The following HNRNPM variants were observed in gnomAD, a reference collection of about 807,000 sequenced individuals.
The protein encoded by HNRNPM is heterogeneous nuclear ribonucleoprotein M.
Under a neutral mutation model 73.1 loss-of-function variants are expected in HNRNPM, and 11 were observed. The ratio of observed to expected loss-of-function variants is 0.15; its 90% CI spans 0.09 to 0.25. The LOEUF is 0.25. Ranked by LOEUF, HNRNPM falls within the 10% of genes least tolerant of loss-of-function variation. The pLI is 1.00. For missense variants in HNRNPM, 789 were observed against 1,067.9 expected, an observed-to-expected ratio of 0.74 and a Z score of 3.64; for synonymous variants, 407 against 355.2, an observed-to-expected ratio of 1.15 and a Z score of -1.64.
intron 1 of HNRNPM, among the ~76,000 whole-genome samples, chr19:8,447,200 A>G (rs1158391501): frequency 2.0e-5 from 3 of 151,876 alleles, no homozygotes; most frequent in African/African-American, 4.8e-5. Context: ...TACTAGCTTC[A>G]TAGAGGATAG....
At chr19:8,446,208 T>TTGAGTATACTGACTCAG in intron 1 of HNRNPM, among the ~76,000 whole-genome samples, 1 of 152,340 alleles carries the variant, frequency 6.6e-6, no homozygotes, top group Admixed American at 6.5e-5. Context: ...TTCAGTGGCA[T>TTGAGTATACTGACTCAG]TGAGTATACT....
intron 2 of HNRNPM, among the ~76,000 whole-genome samples, chr19:8,456,465 C>T (rs1403115074): frequency 1.3e-5 from 2 of 152,208 alleles, no homozygotes; most frequent in East Asian, 1.9e-4. Flanking sequence ...TGCCTTGAGG[C>T]GCCCTCCCCG....
At position 8,463,452 on chromosome 19, in the gene HNRNPM, T is replaced by C. The variant is rs777027606; in HGVS notation, c.337-45T>C. ...TATTTACTATTTTTTTCTTTTCTTTTTCCCCTTCCTTGCTCTTCTGACTGG... is the reference window on the plus strand; with the variant it reads ...TATTTACTATTTTTTTCTTTTCTTTCTCCCCTTCCTTGCTCTTCTGACTGG... On this transcript the variant is annotated intron_variant, in intron 3 of 15. Transcript: ENST00000325495. 5 of 1,605,286 alleles carry C rather than the reference T, an allele frequency of 3.1e-6. No homozygotes were observed. The East Asian group carries it at 1.1e-4, about 36-fold the overall frequency.
intron 12 of HNRNPM, among the ~76,000 whole-genome samples, chr19:8,476,712 T>C (rs1261576580): frequency 2.0e-5 from 3 of 152,076 alleles, no homozygotes; most frequent in Admixed American, 2.0e-4. Context: ...GCCAGTAAGA[T>C]GAGTTATGAG....
intron 8 of HNRNPM, among the ~76,000 whole-genome samples, chr19:8,468,263 T>C (rs1969893874): frequency 1.3e-5 from 2 of 152,188 alleles, no homozygotes; most frequent in African/African-American, 2.4e-5. Context: ...AATTAAGTCA[T>C]TGATTCAGAC....
chr19:8,488,332 C>T, intron 15 of HNRNPM: 1 of 218,612 alleles, frequency 4.6e-6, no homozygotes, highest in Non-Finnish European at 9.4e-6. Context: ...ACAGACGTGT[C>T]CATTGGATTG....
At chr19:8,469,528 G>A (rs1461779053) in intron 9 of HNRNPM, among the ~76,000 whole-genome samples, 1 of 152,190 alleles carries the variant, frequency 6.6e-6, no homozygotes, top group Non-Finnish European at 1.5e-5. Context: ...GAGGGGAAAG[G>A]GATCAGCTAT....
At chr19:8,448,020 C>T (rs1265751610) in intron 1 of HNRNPM, among the ~76,000 whole-genome samples, 1 of 152,098 alleles carries the variant, frequency 6.6e-6, no homozygotes, top group Non-Finnish European at 1.5e-5. Context: ...AGCGATACTC[C>T]TTCTTCAAAC....
chr19:8,486,856 C>T (rs764710204), intron 14 of HNRNPM, among the ~76,000 whole-genome samples, 168 bp from the exon 15 acceptor site: 5 of 152,208 alleles, frequency 3.3e-5, no homozygotes, highest in Non-Finnish European at 5.9e-5. Flanking sequence ...CGCTTCACAG[C>T]CTTGTCCCAC....
chr19:8,457,753 T>C (rs1185585629), intron 2 of HNRNPM, among the ~76,000 whole-genome samples: 2 of 152,236 alleles, frequency 1.3e-5, no homozygotes, highest in Non-Finnish European at 2.9e-5. Context: ...TATTCCCGTT[T>C]TGGTGTACAA....
At chr19:8,474,295 C>T (rs963748471) in intron 12 of HNRNPM, 51 bp downstream of exon 12, 1 of 1,373,984 alleles carries the variant, frequency 7.3e-7, no homozygotes, top group Non-Finnish European at 9.9e-7. Context: ...CCGGCTGTTG[C>T]CTCTCAGGTG....
chr19:8,479,871 G>C (rs1970786660), intron 12 of HNRNPM, among the ~76,000 whole-genome samples: 1 of 146,950 alleles, frequency 6.8e-6, no homozygotes, highest in African/African-American at 2.5e-5. Flanking sequence ...GCCCCTCCAG[G>C]TTTAAGCTGT....
At chr19:8,482,318 G>A (rs1970978889) in intron 12 of HNRNPM, among the ~76,000 whole-genome samples, 1 of 152,184 alleles carries the variant, frequency 6.6e-6, no homozygotes, top group Admixed American at 6.5e-5. Flanking sequence ...CGTGGCTAAT[G>A]TCCAAGTTGC....
chr19:8,449,062 C>G lies in HNRNPM; in HGVS notation c.113+3951C>G, dbSNP rs1056398437. 8.0e-4 allele frequency among the ~76,000 whole-genome samples: 121 copies of G among 152,152 alleles called. 1 individual carries two copies. Among genetic ancestry groups the G allele is most frequent in the Non-Finnish European group, 4.1e-4 (28 of 68,020 alleles). On this transcript the variant is annotated intron_variant, in intron 1 of 15. Coordinates refer to ENST00000325495, the MANE Select transcript of HNRNPM (RefSeq NM_005968.5). ...GCCGTTTGAATTGTTTTATTTAAAT[C>G]AGATTCTCTATACAATGCATTTGAG...
At chr19:8,488,623 TGAC>T in intron 15 of HNRNPM, 65 bp from the exon 16 acceptor site, 1 of 1,476,100 alleles carries the variant, frequency 6.8e-7, no homozygotes, top group Non-Finnish European at 9.3e-7. Flanking sequence ...CTCTCCTTTT[TGAC>T]TCTGTCCACC....
intron 2 of HNRNPM, among the ~76,000 whole-genome samples, chr19:8,460,667 A>G (rs1246169388): frequency 2.0e-5 from 3 of 152,234 alleles, no homozygotes; most frequent in African/African-American, 2.4e-5. Flanking sequence ...TTTTGATCCA[A>G]GCGTCTTATG....
At chr19:8,464,589 G>A (rs1299106735) in intron 5 of HNRNPM, among the ~76,000 whole-genome samples, 1 of 152,102 alleles carries the variant, frequency 6.6e-6, no homozygotes, top group Non-Finnish European at 1.5e-5. Context: ...CCGAGATCGC[G>A]CCATTGAACT....
intron 8 of HNRNPM, 93 bp downstream of exon 8, chr19:8,467,677 G>A (rs1352889815): frequency 7.3e-6 from 7 of 956,464 alleles, no homozygotes; most frequent in African/African-American, 1.6e-5. Flanking sequence ...TGAAATATTT[G>A]TGGATTAGTC....
intron 2 of HNRNPM, among the ~76,000 whole-genome samples, chr19:8,456,066 A>G (rs1969000686): frequency 6.6e-6 from 1 of 151,736 alleles, no homozygotes; most frequent in Non-Finnish European, 1.5e-5. Flanking sequence ...ATTCCAAACT[A>G]TAAAACATTA....
Sources: allele counts gnomAD v4.1 joint callset (sites outside exome capture counted in the v4.1 genomes callset), GRCh38; gene constraint gnomAD v4.1.1; transcripts MANE v1.5; gene names NCBI Gene and HGNC (gene_info 2026-07-23, HGNC 2026-07-21).